FAM228B: variants seen among roughly 807,000 people sequenced by gnomAD.
FAM228B encodes family with sequence similarity 228 member B, also known as protein FAM228B.
A neutral mutation model predicts 42.6 loss-of-function variants in FAM228B; 38 were observed. The observed-to-expected ratio is 0.89, with a 90% CI of 0.69 to 1.17. The LOEUF (loss-of-function observed/expected upper bound fraction) is 1.17. FAM228B is among the 50% of genes most tolerant of loss of function. The probability of loss-of-function intolerance (pLI) is 0.00; values close to 1 mark genes in which losing one functional copy is unlikely to be tolerated. For missense variants in FAM228B, 344 were observed against 367.3 expected, an observed-to-expected ratio of 0.94 and a Z score of 0.52; for synonymous variants, 109 against 122.3, an observed-to-expected ratio of 0.89 and a Z score of 0.72.
At chr2:24,110,400 C>T (rs1380689832) in intron 3 of FAM228B, among the ~76,000 whole-genome samples, 2 of 152,150 alleles carry the variant, frequency 1.3e-5, no homozygotes, top group Non-Finnish European at 2.9e-5. Context: ...GAAGAACCAA[C>T]CCTGTGATTA....
chr2:24,136,461 T>G (rs1330197197), intron 3 of FAM228B, among the ~76,000 whole-genome samples: 1 of 152,208 alleles, frequency 6.6e-6, no homozygotes, highest in Non-Finnish European at 1.5e-5. Context: ...TTACTTCAAG[T>G]GATCTGCCCA....
At chr2:24,150,579 C>T (rs1444796957) in intron 7 of FAM228B, among the ~76,000 whole-genome samples, 2 of 152,030 alleles carry the variant, frequency 1.3e-5, no homozygotes, top group Non-Finnish European at 2.9e-5. Context: ...TGTGCACCAC[C>T]ATACCCAGCT....
chr2:24,101,549 T>C (rs1665604421), intron 3 of FAM228B, among the ~76,000 whole-genome samples: 1 of 152,160 alleles, frequency 6.6e-6, no homozygotes, highest in African/African-American at 2.4e-5. Context: ...TAAAACGTAA[T>C]TGGAAATATA....
At chr2:24,168,410 G>C (rs1667480562) in intron 10 of FAM228B, among the ~76,000 whole-genome samples, 1 of 152,206 alleles carries the variant, frequency 6.6e-6, no homozygotes. Flanking sequence ...AGGCCCAGTA[G>C]AGAAAGGGTT....
chr2:24,123,763 C>T (rs1254196878), intron 1 of FAM228B, among the ~76,000 whole-genome samples: 4 of 151,686 alleles, frequency 2.6e-5, no homozygotes, highest in Non-Finnish European at 5.9e-5. Context: ...CCGGGGCTGG[C>T]GTGGAGGCCG....
chr2:24,105,819 AC>A (rs1245554416), intron 3 of FAM228B, among the ~76,000 whole-genome samples: 6 of 152,246 alleles, frequency 3.9e-5, no homozygotes, highest in African/African-American at 1.4e-4. Context: ...GCACATTCTA[AC>A]TGCAAGTATT....
intron 7 of FAM228B, among the ~76,000 whole-genome samples, chr2:24,151,914 G>C (rs1176757663): frequency 2.0e-5 from 3 of 151,910 alleles, no homozygotes; most frequent in Non-Finnish European, 2.9e-5. Context: ...TGTCAGCCAG[G>C]CTGGAGTGCA....
At chr2:24,121,453 T>C (rs1376758203), upstream of FAM228B, among the ~76,000 whole-genome samples, 2 of 152,222 alleles carry the variant, frequency 1.3e-5, no homozygotes, top group African/African-American at 4.8e-5. Flanking sequence ...GAATAACACT[T>C]CGTGACACTT....
In FAM228B at chr2:24,161,583, C is replaced by A; in HGVS notation, c.764C>A (p.Ser255Tyr). 6.5e-7 allele frequency: 1 copy of A among 1,545,350 alleles called. No homozygotes were observed. Among genetic ancestry groups the A allele is most frequent in the Non-Finnish European group, 8.8e-7 (1 of 1,141,314 alleles). ...PLARAPYLLE[S>Y]QEEEKTVIYK... The stretch of plus-strand genomic sequence containing the variant: ...GCAAGAGCTCCTTATCTTTTGGAAT[C>A]CCAGGAAGAAGAAAAAACAGTTATT... Residue 255 changes from serine (S) to tyrosine (Y), a missense_variant, in exon 8 of 11, where the codon TCC (serine) becomes TAC (tyrosine). Ser to Tyr is a moderately radical substitution (Grantham distance 144). Coordinates refer to ENST00000615575, the MANE Select transcript of FAM228B (RefSeq NM_001145710.2).
At chr2:24,115,649 G>A in intron 3 of FAM228B, 1 of 1,594,096 alleles carries the variant, frequency 6.3e-7, no homozygotes, top group Middle Eastern at 1.7e-4. Flanking sequence ...TTTATGAGCT[G>A]CAAATTATCA....
chr2:24,082,631 A>C (rs1156743398), intron 2 of FAM228B, among the ~76,000 whole-genome samples: 1 of 152,022 alleles, frequency 6.6e-6, no homozygotes, highest in African/African-American at 2.4e-5. Flanking sequence ...TGATTCTAAG[A>C]AGCTGGGACT....
intron 2 of FAM228B, chr2:24,083,141 C>G: frequency 6.2e-7 from 1 of 1,607,662 alleles, no homozygotes; most frequent in Admixed American, 1.7e-5. Flanking sequence ...GTGGGTCATA[C>G]TGGCCTTGTC....
intron 3 of FAM228B, among the ~76,000 whole-genome samples, chr2:24,110,238 C>T (rs1022830420): frequency 6.6e-6 from 1 of 152,048 alleles, no homozygotes; most frequent in African/African-American, 2.4e-5. Context: ...AAGGAGAACA[C>T]GTGGATACTA....
At chr2:24,162,749 GA>G (rs545763722) in intron 8 of FAM228B, among the ~76,000 whole-genome samples, 2 of 152,024 alleles carry the variant, frequency 1.3e-5, no homozygotes, top group Non-Finnish European at 2.9e-5. Context: ...CAATTAAAAG[GA>G]AAAAAATACT....
intron 2 of FAM228B, among the ~76,000 whole-genome samples, chr2:24,092,924 GCACACACACACACACACACACACA>G (rs3030954): frequency 7.5e-6 from 1 of 133,436 alleles, no homozygotes; most frequent in South Asian, 2.7e-4. Context: ...ATGATTTTAT[GCACACACACACACACACACACACA>G]CACACACACA....
At chr2:24,106,922 A>G (rs1000762249) in intron 3 of FAM228B, among the ~76,000 whole-genome samples, 2 of 152,178 alleles carry the variant, frequency 1.3e-5, no homozygotes, top group African/African-American at 2.4e-5. Flanking sequence ...AAATCTGCAC[A>G]TATCAATACT....
intron 3 of FAM228B, among the ~76,000 whole-genome samples, chr2:24,135,769 A>G (rs1666565824): frequency 6.6e-6 from 1 of 151,962 alleles, no homozygotes. Flanking sequence ...TATTTATTTC[A>G]TTTTGAATTT....
At chr2:24,159,057 A>G (rs1667228476) in intron 7 of FAM228B, among the ~76,000 whole-genome samples, 1 of 152,042 alleles carries the variant, frequency 6.6e-6, no homozygotes, top group Admixed American at 6.6e-5. Flanking sequence ...CCATCTTCAC[A>G]TGGTCTTCTC....
chr2:24,092,924 G>GCA (rs3030954), intron 2 of FAM228B, among the ~76,000 whole-genome samples: 23,639 of 133,204 alleles, frequency 0.18, 2,166 homozygotes, highest in Middle Eastern at 0.26. Context: ...ATGATTTTAT[G>GCA]CACACACACA....
Sources: allele counts gnomAD v4.1 joint callset (sites outside exome capture counted in the v4.1 genomes callset), GRCh38; gene constraint gnomAD v4.1.1; transcripts MANE v1.5; gene names NCBI Gene and HGNC (gene_info 2026-07-23, HGNC 2026-07-21).